DEK: variants seen among roughly 807,000 people sequenced by gnomAD.
DEK encodes DEK proto-oncogene.
DEK carries 28 observed loss-of-function variants against 46.8 expected under a neutral mutation model. That is an observed-to-expected ratio of 0.60 (90% CI 0.44 to 0.82). The LOEUF (loss-of-function observed/expected upper bound fraction) is 0.82, where lower values mean the gene tolerates loss of function less well. Among genes scored for constraint, DEK ranks in the 40% least tolerant of loss-of-function variants. The pLI, the probability that DEK is intolerant of heterozygous loss-of-function variation, is 0.00. For synonymous variants in DEK, 160 were observed against 144.5 expected (o/e 1.11, Z -0.77); for missense variants, 416 against 430.6 (o/e 0.97, Z 0.30).
intron 6 of DEK, among the ~76,000 whole-genome samples, chr6:18,252,509 C>CAAAAAAAAAAAAAAA (rs61626818): frequency 3.4e-5 from 1 of 29,144 alleles, no homozygotes; most frequent in African/African-American, 1.2e-4. Context: ...ACGCTGTCTC[C>CAAAAAAAAAAAAAAA]AAAAAAAAAA....
intron 7 of DEK, among the ~76,000 whole-genome samples, chr6:18,246,064 C>T (rs894131819): frequency 6.6e-6 from 1 of 152,218 alleles, no homozygotes; most frequent in Non-Finnish European, 1.5e-5. Context: ...AACTAAACTC[C>T]TTTAAAATTA....
chr6:18,248,033 T>G (rs1396916790), intron 7 of DEK, among the ~76,000 whole-genome samples: 2 of 152,178 alleles, frequency 1.3e-5, no homozygotes, highest in Non-Finnish European at 2.9e-5. Context: ...AAGTTTTACT[T>G]GTCATAAAAC....
chr6:18,247,143 C>CA (rs1201255098), intron 7 of DEK, among the ~76,000 whole-genome samples: 3 of 152,132 alleles, frequency 2.0e-5, no homozygotes, highest in Non-Finnish European at 4.4e-5. Context: ...AAAGTTGCCA[C>CA]AGATACACTG....
At chr6:18,236,240 T>C (rs935045022) in intron 9 of DEK, among the ~76,000 whole-genome samples, 12 of 152,228 alleles carry the variant, frequency 7.9e-5, no homozygotes, top group Non-Finnish European at 1.8e-4. Flanking sequence ...ACTTTATTCA[T>C]TTTAATGTTG....
At chr6:18,239,130 G>T (rs1790794219) in intron 7 of DEK, among the ~76,000 whole-genome samples, 1 of 152,012 alleles carries the variant, frequency 6.6e-6, no homozygotes, top group African/African-American at 2.4e-5. Context: ...CTCCATGTTG[G>T]CCAGGCTGGT....
chr6:18,248,807 T>G (rs1791235379), intron 7 of DEK, among the ~76,000 whole-genome samples: 1 of 152,266 alleles, frequency 6.6e-6, no homozygotes, highest in Admixed American at 6.5e-5. Flanking sequence ...TTTTTGGTTG[T>G]CACAAGGGGA....
At chr6:18,239,974 T>C (rs1790833534) in intron 7 of DEK, among the ~76,000 whole-genome samples, 3 of 152,312 alleles carry the variant, frequency 2.0e-5, no homozygotes, top group Admixed American at 6.5e-5. Context: ...AAGTAAGTTA[T>C]TACTGAAAGG....
At chr6:18,255,327 G>A (rs1791553828) in intron 6 of DEK, among the ~76,000 whole-genome samples, 1 of 152,142 alleles carries the variant, frequency 6.6e-6, no homozygotes, top group Admixed American at 6.5e-5. Flanking sequence ...CCAGGATCTA[G>A]GAAAACATCC....
At position 18,264,009 on chromosome 6, in the gene DEK, AG is replaced by A. The variant is rs754468487; in HGVS notation, c.-9-14del. On this transcript the variant is annotated splice_polypyrimidine_tract_variant and intron_variant, in intron 1 of 10. Transcript: ENST00000652689. ...ACATGCTGTGAACCTGCATGCGGGA[AG>A]AAAGCCGGACGTCTCGGTCCTCCTA... The A allele has an allele frequency of 2.5e-6, 4 of 1,589,202 alleles. No individual in the cohort carries two copies. In the African/African-American group the frequency reaches 4.1e-5, roughly 16 times the overall value.
chr6:18,245,878 T>C (rs971961521), intron 7 of DEK, among the ~76,000 whole-genome samples: 1 of 152,216 alleles, frequency 6.6e-6, no homozygotes, highest in Admixed American at 6.5e-5. Flanking sequence ...CGAGGGTGGG[T>C]TTTTCTCATG....
chr6:18,226,526 T>TC (rs1176584802), intron 9 of DEK, among the ~76,000 whole-genome samples: 1 of 152,230 alleles, frequency 6.6e-6, no homozygotes, highest in Non-Finnish European at 1.5e-5. Context: ...CGCCTGTAAT[T>TC]CCAACACTCT....
rs1218450289 is a variant in DEK, at chr6:18,236,436, A to C, written c.1047+16T>G. Reference sequence around the variant, plus strand: ...TTCTAGCAAAAGCAAAATAATCTAAACATTTGTCTAATTACCTTTTTGCAA... The same window carrying C: ...TTCTAGCAAAAGCAAAATAATCTAACCATTTGTCTAATTACCTTTTTGCAA... On this transcript the variant is annotated intron_variant, in intron 9 of 10. Coordinates refer to ENST00000652689, the MANE Select transcript of DEK (RefSeq NM_003472.4). 1.2e-6 allele frequency: 2 copies of C among 1,605,468 alleles called. No homozygotes were observed. The highest frequency in any genetic ancestry group is 2.7e-5 in the African/African-American group (2 of 74,284).
At chr6:18,247,313 T>C (rs1791162714) in intron 7 of DEK, among the ~76,000 whole-genome samples, 1 of 152,212 alleles carries the variant, frequency 6.6e-6, no homozygotes, top group Admixed American at 6.5e-5. Context: ...CCAAATTTTA[T>C]TTTACATTTT....
chr6:18,225,845 A>G, intron 10 of DEK, 115 bp from the exon 11 acceptor site: 1 of 1,231,320 alleles, frequency 8.1e-7, no homozygotes, highest in Non-Finnish European at 1.2e-6. Flanking sequence ...ATACAGAATT[A>G]CAGCTACCTG....
At position 18,255,778 on chromosome 6, in the gene DEK, C is replaced by A; in HGVS notation, c.526G>T (p.Val176Leu). 6.2e-7 allele frequency: 1 copy of A among 1,612,662 alleles called. No individual in the cohort carries two copies. Among genetic ancestry groups the A allele is most frequent in the East Asian group, 2.2e-5 (1 of 44,832 alleles). ...ATTAAGAAATTCAAGATCCTCTTCA[C>A]TAGTTCACTATTTACACCTGATCTC... The part of the protein sequence containing the change: ...LERSGVNSEL[V>L]KRILNFLMHP... Residue 176 changes from valine to leucine, a missense_variant, in exon 6 of 11, where the codon GTG becomes TTG. Physicochemically the swap from Val to Leu is conservative, Grantham distance 32. Transcript: ENST00000652689.
chr6:18,255,847 T>C lies in DEK; in HGVS notation c.457A>G (p.Arg153Gly). ...KKKEEMLKKF[R>G]NAMLKSICEV... is the part of the protein sequence containing the mutation. ...CAGATGCTCTTTAACATGGCATTTC[T>C]AAATCTGAAACAGAAAATGGAAGAA... Residue 153 changes from arginine (R) to glycine (G), a missense_variant, in exon 6 of 11, where the codon AGA becomes GGA. Transcript: ENST00000652689. 1 of 1,599,964 alleles carries C rather than the reference T, an allele frequency of 6.3e-7. No individual in the cohort carries two copies. The highest frequency in any genetic ancestry group is 8.5e-7 in the Non-Finnish European group (1 of 1,176,818).
chr6:18,259,604 G>C (rs961801430), intron 2 of DEK, among the ~76,000 whole-genome samples: 1 of 151,892 alleles, frequency 6.6e-6, no homozygotes, highest in African/African-American at 2.4e-5. Context: ...AATACTAAGA[G>C]GGGATAAATG....
intron 9 of DEK, among the ~76,000 whole-genome samples, chr6:18,234,922 T>TTC (rs1790582443): frequency 1.3e-5 from 2 of 152,146 alleles, no homozygotes; most frequent in African/African-American, 4.8e-5. Flanking sequence ...TATGTCATCG[T>TTC]CTCCTAATTG....
chr6:18,247,462 A>G (rs1791170916), intron 7 of DEK, among the ~76,000 whole-genome samples: 1 of 152,164 alleles, frequency 6.6e-6, no homozygotes, highest in African/African-American at 2.4e-5. Flanking sequence ...ATTTTCATCA[A>G]TTGACCTGGG....
Sources: allele counts gnomAD v4.1 joint callset (sites outside exome capture counted in the v4.1 genomes callset), GRCh38; gene constraint gnomAD v4.1.1; transcripts MANE v1.5; gene names NCBI Gene and HGNC (gene_info 2026-07-23, HGNC 2026-07-21).